The following TXLNB variants were observed in gnomAD, a reference collection of about 807,000 sequenced individuals.
TXLNB encodes taxilin beta.
TXLNB carries 37 observed loss-of-function variants against 57.4 expected under a neutral mutation model. That is an observed-to-expected ratio of 0.64 (90% confidence interval 0.50 to 0.85). TXLNB has a LOEUF of 0.85. Among genes scored for constraint, TXLNB ranks in the 40% least tolerant of loss-of-function variants. The pLI, the probability that TXLNB is intolerant of heterozygous loss-of-function variation, is 0.00. For synonymous variants in TXLNB, 302 were observed against 309.6 expected (o/e 0.98, Z 0.26); for missense variants, 848 against 825.6 (o/e 1.03, Z -0.33).
the TXLNB span, among the ~76,000 whole-genome samples, chr6:139,214,205 T>A: frequency 6.6e-6 from 1 of 152,194 alleles, no homozygotes; most frequent in Non-Finnish European, 1.5e-5. Context: ...ATATCCTTGA[T>A]GAACATTGAT....
chr6:139,210,558 C>T, the TXLNB span, among the ~76,000 whole-genome samples: 52 of 152,308 alleles, frequency 3.4e-4, no homozygotes, highest in African/African-American at 9.4e-4. Context: ...GCGTGAGCGA[C>T]GCAGAAGATG....
the TXLNB span, among the ~76,000 whole-genome samples, chr6:139,193,241 C>CTTTTTTTTTTTTTTTTTT: frequency 9.9e-6 from 1 of 101,212 alleles, no homozygotes; most frequent in South Asian, 3.2e-4. Flanking sequence ...CTTTGACCCT[C>CTTTTTTTTTTTTTTTTTT]TTTTTTTTTT....
chr6:139,244,626 C>G lies in TXLNB; in HGVS notation c.1235G>C (p.Cys412Ser). 2 of 1,613,944 alleles carry G rather than the reference C, an allele frequency of 1.2e-6. No homozygotes were observed. Among genetic ancestry groups the G allele is most frequent in the South Asian group, 2.2e-5 (2 of 91,078 alleles). Reference sequence around the variant, plus strand: ...AATCATGTCCAACAGAGCTTTGTTACAGTTCTCAAATCGGGCTTTCCATGT... The same window carrying G: ...AATCATGTCCAACAGAGCTTTGTTAGAGTTCTCAAATCGGGCTTTCCATGT... ...TATWKARFEN[C>S]NKALLDMIEE... The change falls in exon 9 of 10, where the codon TGT (cysteine) becomes TCT (serine). Residue 412 changes from cysteine (C) to serine (S), a missense_variant. Cys to Ser is a moderately radical substitution (Grantham distance 112). Transcript: ENST00000358430.
chr6:139,291,404 G>A (rs1777298260), intron 1 of TXLNB, among the ~76,000 whole-genome samples: 1 of 152,190 alleles, frequency 6.6e-6, no homozygotes, highest in African/African-American at 2.4e-5. Flanking sequence ...ACTTCGGTTA[G>A]TCTAAATGCA....
intron 2 of TXLNB, among the ~76,000 whole-genome samples, chr6:139,286,353 T>C (rs28553959): frequency 0.33 from 47,596 of 144,872 alleles, 8,516 homozygotes; most frequent in African/African-American, 0.51. Flanking sequence ...CTTGAATTTC[T>C]CTGGTCTTCT....
chr6:139,183,917 A>G, the TXLNB span, among the ~76,000 whole-genome samples: 3 of 152,002 alleles, frequency 2.0e-5, no homozygotes, highest in Non-Finnish European at 2.9e-5. Flanking sequence ...GTCAGACATT[A>G]TATGTTAGAA....
At chr6:139,277,889 C>T (rs1383149808) in intron 2 of TXLNB, among the ~76,000 whole-genome samples, 1 of 152,128 alleles carries the variant, frequency 6.6e-6, no homozygotes, top group Non-Finnish European at 1.5e-5. Flanking sequence ...ACAACCTTTC[C>T]CCCAAGAACA....
rs780962830 is a variant in TXLNB, at chr6:139,255,502, C to T, written c.1077+62G>A. On this transcript the variant is annotated intron_variant, in intron 7 of 9. Coordinates refer to ENST00000358430, the MANE Select transcript of TXLNB (RefSeq NM_153235.4). ...GGACTTCTGCTGCCCACCTTTGGCC[C>T]CAGCCTTTTTATCTGGGGACAGTGA... 59 of 1,472,794 alleles carry T rather than the reference C, an allele frequency of 4.0e-5. 1 individual carries two copies. The highest frequency in any genetic ancestry group is 3.1e-4 in the South Asian group (27 of 88,014). The allele number at this position is 1,472,794 out of a possible 1,614,324, so 91.2% of individuals were successfully genotyped here. A position where few individuals can be genotyped will look rare whatever the true frequency, so the allele number is the denominator to read the frequency against.
At chr6:139,305,956 A>G in the TXLNB span, among the ~76,000 whole-genome samples, 2 of 152,186 alleles carry the variant, frequency 1.3e-5, no homozygotes, top group Non-Finnish European at 2.9e-5. Flanking sequence ...AAAATGATTT[A>G]TTAATATTCG....
At chr6:139,250,425 A>G (rs1776174936) in intron 7 of TXLNB, among the ~76,000 whole-genome samples, 1 of 143,380 alleles carries the variant, frequency 7.0e-6, no homozygotes, top group African/African-American at 2.6e-5. Flanking sequence ...TTCAGGGCCC[A>G]CAAATGGGTC....
the TXLNB span, among the ~76,000 whole-genome samples, chr6:139,174,043 C>G: frequency 1.3e-5 from 2 of 152,104 alleles, no homozygotes; most frequent in Non-Finnish European, 1.5e-5. Flanking sequence ...AGCAGGAAGT[C>G]CTGCGTGAAT....
the TXLNB span, among the ~76,000 whole-genome samples, chr6:139,301,317 T>C: frequency 1.4e-4 from 22 of 152,268 alleles, no homozygotes; most frequent in African/African-American, 4.8e-4. Flanking sequence ...GGTATCTGTA[T>C]AGTGCCACCA....
the TXLNB span, among the ~76,000 whole-genome samples, chr6:139,300,746 A>T: frequency 6.6e-6 from 1 of 152,162 alleles, no homozygotes; most frequent in Non-Finnish European, 1.5e-5. Flanking sequence ...AAATACAAAA[A>T]TTAGCCAGCG....
the TXLNB span, chr6:139,183,718 G>C: frequency 6.6e-6 from 1 of 152,204 alleles, no homozygotes; most frequent in African/African-American, 2.4e-5. Flanking sequence ...TCTTACTGAA[G>C]ACTGTAGGCT....
the TXLNB span, among the ~76,000 whole-genome samples, chr6:139,304,770 T>C: frequency 1.3e-5 from 2 of 152,216 alleles, no homozygotes; most frequent in Non-Finnish European, 2.9e-5. Context: ...CCAATGAGTG[T>C]GTCATAAACC....
At position 139,288,756 on chromosome 6, in the gene TXLNB, C is replaced by T. The variant is rs779198723; in HGVS notation, c.144G>A (p.Glu48=). 2 of 1,614,216 alleles carry T rather than the reference C, an allele frequency of 1.2e-6. No individual in the cohort carries two copies. The highest frequency in any genetic ancestry group is 4.5e-5 in the East Asian group (2 of 44,886). The change falls in exon 2 of 10, where the codon GAG becomes GAA. Residue 48 remains glutamate (E), a synonymous_variant. Transcript: ENST00000358430. The part of the protein sequence containing the change: ...SPTPVQPPEK[E]ASVHPDISEE... ...CAGAGATATCGGGGTGCACACTTGCCTCTTTCTCTGGTGGTTGGACTGGGG... is the reference window on the plus strand; with the variant it reads ...CAGAGATATCGGGGTGCACACTTGCTTCTTTCTCTGGTGGTTGGACTGGGG...
At chr6:139,201,118 T>TA in the TXLNB span, among the ~76,000 whole-genome samples, 3 of 152,188 alleles carry the variant, frequency 2.0e-5, no homozygotes, top group South Asian at 6.2e-4. Flanking sequence ...TGAAATAAAT[T>TA]AAAAAATCCT....
At chr6:139,322,602 C>A in the TXLNB span, among the ~76,000 whole-genome samples, 1 of 152,162 alleles carries the variant, frequency 6.6e-6, no homozygotes, top group Non-Finnish European at 1.5e-5. Flanking sequence ...TGACTCCTCT[C>A]TTCCTTTTCC....
the TXLNB span, among the ~76,000 whole-genome samples, chr6:139,210,379 G>T: frequency 1.3e-5 from 2 of 152,106 alleles, no homozygotes; most frequent in African/African-American, 4.8e-5. Flanking sequence ...CAAAGGAAAA[G>T]AATTCATTTT....
Sources: gnomAD v4.1 joint callset for allele counts (sites outside exome capture counted in the v4.1 genomes callset) on GRCh38, gnomAD v4.1.1 for gene constraint, MANE v1.5 for transcripts, NCBI Gene and HGNC (gene_info 2026-07-23, HGNC 2026-07-21) for gene names.